The following MYO1E variants were observed in gnomAD, a reference collection of about 807,000 sequenced individuals.
MYO1E encodes unconventional myosin-Ie.
In MYO1E, 68 loss-of-function variants were observed where a neutral mutation model predicts 151.1. The observed-to-expected ratio is 0.45, with a 90% CI of 0.37 to 0.55. The LOEUF (loss-of-function observed/expected upper bound fraction) is 0.55. Among genes scored for constraint, MYO1E ranks in the 20% least tolerant of loss-of-function variants. The pLI, the probability that MYO1E is intolerant of heterozygous loss-of-function variation, is 0.00. For synonymous variants in MYO1E, 601 were observed against 501.7 expected, an observed-to-expected ratio of 1.20 and a Z score of -2.64; for missense variants, 1,363 against 1,389.3, an observed-to-expected ratio of 0.98 and a Z score of 0.30.
intron 3 of MYO1E, among the ~76,000 whole-genome samples, chr15:59,260,217 C>T (rs2080217348): frequency 6.6e-6 from 1 of 152,244 alleles, no homozygotes; most frequent in South Asian, 2.1e-4. Context: ...CCTTGGCTGT[C>T]ATTGAGGACG....
chr15:59,174,268 G>C (rs1472789846), intron 19 of MYO1E, 28 bp from the exon 20 acceptor site: 1 of 1,531,504 alleles, frequency 6.5e-7, no homozygotes, highest in Non-Finnish European at 9.0e-7. Flanking sequence ...ACAAATGTGA[G>C]CCAAGCCCCA....
rs561180393 is a variant in MYO1E, at chr15:59,150,992, G to A, written c.3080+2598C>T. On this transcript the variant is annotated intron_variant, in intron 26 of 27. Transcript: ENST00000288235. ...TACTTACCCAAGACTGGGGGGTAGT[G>A]GAAGGGAAGAGGAGAGGGACACACA... Among the ~76,000 whole-genome samples, 16 of 150,232 alleles carry A rather than the reference G, an allele frequency of 1.1e-4. No homozygotes were observed. In the South Asian group the frequency reaches 2.8e-3, roughly 26 times the overall value.
At chr15:59,244,044 T>C (rs1488055799) in intron 4 of MYO1E, among the ~76,000 whole-genome samples, 1 of 152,190 alleles carries the variant, frequency 6.6e-6, no homozygotes, top group Non-Finnish European at 1.5e-5. Context: ...CCATGGCTAA[T>C]GGTATAAAAG....
rs1330730962 is a variant in MYO1E at position 59,227,702 on chromosome 15, T to TC, written c.511-113dup. 5.1e-6 allele frequency: 7 copies of TC among 1,378,928 alleles called. No individual in the cohort carries two copies. The African/African-American group carries it at 1.0e-4, about 20-fold the overall frequency. The allele number at this position is 1,378,928 out of a possible 1,614,324, so 85.4% of individuals were successfully genotyped here. On this transcript the variant is annotated intron_variant, in intron 6 of 27. Transcript: ENST00000288235. ...GGAAATTCATTAATAAAATACACAT[T>TC]CTGAATTACTCCTAATTTGAGTCTA... is the stretch of plus-strand genomic sequence containing the variant.
At chr15:59,166,777 C>A (rs1359461020) in intron 22 of MYO1E, among the ~76,000 whole-genome samples, 1 of 152,170 alleles carries the variant, frequency 6.6e-6, no homozygotes, top group African/African-American at 2.4e-5. Flanking sequence ...AAAGCCCGGA[C>A]GCAGATGCAG....
At chr15:59,180,628 C>CA (rs1209989032) in intron 18 of MYO1E, among the ~76,000 whole-genome samples, 15 of 151,664 alleles carry the variant, frequency 9.9e-5, no homozygotes, top group Non-Finnish European at 1.0e-4. Flanking sequence ...AGGGTCTTGG[C>CA]AATACATGGG....
chr15:59,207,869 A>C lies in MYO1E; in HGVS notation c.1530+812T>G, dbSNP rs185619025. 605 of 1,614,232 alleles carry C rather than the reference A, an allele frequency of 3.7e-4. No individual in the cohort carries two copies. The highest frequency in any genetic ancestry group is 4.7e-4 in the Non-Finnish European group (554 of 1,180,030). On this transcript the variant is annotated intron_variant, in intron 14 of 27. Coordinates refer to ENST00000288235, the MANE Select transcript of MYO1E (RefSeq NM_004998.4). The stretch of plus-strand genomic sequence containing the variant: ...GGCCTATCTGTGGCCGATTTAACAG[A>C]AAGTATTTTGAAGAATCTTAGGAGA...
At chr15:59,295,043 G>C (rs570475767) in intron 1 of MYO1E, among the ~76,000 whole-genome samples, 1 of 152,172 alleles carries the variant, frequency 6.6e-6, no homozygotes, top group African/African-American at 2.4e-5. Context: ...TTTCTCAACT[G>C]TAAGTGACCT....
intron 2 of MYO1E, among the ~76,000 whole-genome samples, chr15:59,268,017 T>C (rs58840165): frequency 0.029 from 4,409 of 152,182 alleles, 206 homozygotes; most frequent in African/African-American, 0.099. Flanking sequence ...CACAAGACAA[T>C]GTGCAGGAAT....
chr15:59,287,489 C>T (rs1194077871), intron 1 of MYO1E, among the ~76,000 whole-genome samples: 1 of 152,198 alleles, frequency 6.6e-6, no homozygotes, highest in Non-Finnish European at 1.5e-5. Context: ...AGGACCCTCA[C>T]TGTTGTATGC....
At chr15:59,231,662 T>C in intron 6 of MYO1E, 40 bp downstream of exon 6, 1 of 1,593,656 alleles carries the variant, frequency 6.3e-7, no homozygotes, top group Non-Finnish European at 8.6e-7. Flanking sequence ...ATCAACATCA[T>C]CAATCAAGCG....
rs537169710 is a variant in MYO1E at position 59,311,658 on chromosome 15, T to C, written c.4-39209A>G. Among the ~76,000 whole-genome samples, 43 of 152,302 alleles carry C rather than the reference T, an allele frequency of 2.8e-4. No homozygotes were observed. The South Asian group carries it at 6.2e-3, about 22-fold the overall frequency. ...TATCAGGCAAGCCCAGTTGGTGTTA[T>C]AGGCAACGTTATGATTTAAACGTGT... is the stretch of plus-strand genomic sequence containing the variant. On this transcript the variant is annotated intron_variant, in intron 1 of 27. Coordinates refer to ENST00000288235, the MANE Select transcript of MYO1E (RefSeq NM_004998.4).
intron 19 of MYO1E, among the ~76,000 whole-genome samples, chr15:59,176,635 A>T (rs34640677): frequency 2.0e-5 from 3 of 151,660 alleles, no homozygotes; most frequent in Non-Finnish European, 1.5e-5. Context: ...CTAATTTTAA[A>T]TTTTTTTGTA....
intron 1 of MYO1E, among the ~76,000 whole-genome samples, chr15:59,366,288 TC>T (rs2080912606): frequency 1.1e-4 from 6 of 56,964 alleles, no homozygotes; most frequent in South Asian, 7.4e-4. Context: ...CCTGTCTCTT[TC>T]TTTTTTTTCT....
At position 59,218,048 on chromosome 15, in the gene MYO1E, T is replaced by C. The variant is rs112484008; in HGVS notation, c.950A>G (p.Asp317Gly). The C allele has an allele frequency of 6.2e-7, 1 of 1,614,178 alleles. No homozygotes were observed. The highest frequency in any genetic ancestry group is 8.5e-7 in the Non-Finnish European group (1 of 1,180,038). Residue 317 changes from aspartate to glycine, a missense_variant, in exon 10 of 28, where the codon GAC (aspartate) becomes GGC (glycine). Physicochemically the swap from Asp to Gly is moderately conservative, Grantham distance 94. Coordinates refer to ENST00000288235, the MANE Select transcript of MYO1E (RefSeq NM_004998.4). ...GCTTGTTAGCTTTTCTTTCAACCGG[T>C]CCTGGTTTATCCCTAGCAGATATGC... is the stretch of plus-strand genomic sequence containing the variant. Reference protein sequence around the residue: ...FPAYLLGINQDRLKEKLTSRQ... With the variant: ...FPAYLLGINQGRLKEKLTSRQ...
intron 22 of MYO1E, among the ~76,000 whole-genome samples, chr15:59,168,501 C>T (rs998170696): frequency 2.9e-4 from 44 of 151,932 alleles, no homozygotes; most frequent in African/African-American, 1.0e-3. Context: ...GCCGAGATTG[C>T]GCCACTGCAC....
intron 1 of MYO1E, among the ~76,000 whole-genome samples, chr15:59,326,114 T>C (rs1467248552): frequency 1.3e-5 from 2 of 152,052 alleles, no homozygotes; most frequent in African/African-American, 4.8e-5. Flanking sequence ...TTGAGTACAT[T>C]TGTATTATCA....
At chr15:59,301,749 T>C (rs927197101) in intron 1 of MYO1E, among the ~76,000 whole-genome samples, 115 of 152,330 alleles carry the variant, frequency 7.5e-4, no homozygotes, top group African/African-American at 2.6e-3. Flanking sequence ...ATTCCTCTTC[T>C]GCGACTTACT....
intron 1 of MYO1E, among the ~76,000 whole-genome samples, chr15:59,352,622 C>T (rs995973601): frequency 1.6e-4 from 25 of 152,164 alleles, no homozygotes; most frequent in Non-Finnish European, 2.4e-4. Flanking sequence ...ACTCATTTTC[C>T]TCATCTGTAA....
Sources: gnomAD v4.1 joint callset for allele counts (sites outside exome capture counted in the v4.1 genomes callset) on GRCh38, gnomAD v4.1.1 for gene constraint, MANE v1.5 for transcripts, NCBI Gene and HGNC (gene_info 2026-07-23, HGNC 2026-07-21) for gene names.